The following COG3 variants were observed in gnomAD, a reference collection of about 807,000 sequenced individuals.
COG3 encodes the protein conserved oligomeric Golgi complex subunit 3.
COG3 carries 32 observed loss-of-function variants against 114.1 expected under a neutral mutation model. That is an observed-to-expected ratio of 0.28 (90% CI 0.21 to 0.38). The LOEUF is 0.38. Among genes scored for constraint, COG3 ranks in the 10% least tolerant of loss-of-function variants. COG3 has a pLI of 1.00. For synonymous variants in COG3, 352 were observed against 365.7 expected (o/e 0.96, Z 0.43); for missense variants, 813 against 973.2 (o/e 0.84, Z 2.19).
chr13:45,533,615 T>C lies in COG3; in HGVS notation c.2458-1087T>C, dbSNP rs181730455. The stretch of plus-strand genomic sequence containing the variant: ...TTGATACTAGTGTCTAATTCACAGT[T>C]CATACACACATTTCATCAGAGTCCC... On this transcript the variant is annotated intron_variant, in intron 22 of 22. Coordinates refer to ENST00000349995, the MANE Select transcript of COG3 (RefSeq NM_031431.4). 4.0e-3 allele frequency among the ~76,000 whole-genome samples: 616 copies of C among 152,306 alleles called. 5 individuals carry two copies. Among genetic ancestry groups the C allele is most frequent in the South Asian group, 0.035 (168 of 4,830 alleles).
At chr13:45,465,883 C>T (rs1885108040) in intron 1 of COG3, 1 of 152,168 alleles carries the variant, frequency 6.6e-6, no homozygotes, top group Admixed American at 6.5e-5. Flanking sequence ...ATCCACTTAC[C>T]ATTAGGATAT....
Position 45,529,790 on chromosome 13 carries a change from G to T in COG3, c.2231-1G>T. ...CACTAATGAGGTTACTTTATTTCCA[G>T]CAAAGGTCAATGACCTTGCGGCAAC... On this transcript the variant is annotated splice_acceptor_variant, in intron 20 of 22. Transcript: ENST00000349995. LOFTEE classifies it high-confidence loss of function. 6.2e-7 allele frequency: 1 copy of T among 1,602,754 alleles called. No homozygotes were observed. Among genetic ancestry groups the T allele is most frequent in the Admixed American group, 1.7e-5 (1 of 58,256 alleles).
intron 11 of COG3, 86 bp downstream of exon 11, chr13:45,492,336 A>G (rs1887067897): frequency 4.7e-6 from 3 of 641,946 alleles, no homozygotes; most frequent in Non-Finnish European, 5.3e-6. Flanking sequence ...GGAGTATTCT[A>G]TCATTAACTG....
intron 16 of COG3, among the ~76,000 whole-genome samples, chr13:45,513,422 T>TATACATAATATATACATATAAATC (rs1566266080): frequency 2.3e-4 from 12 of 52,082 alleles, no homozygotes; most frequent in Non-Finnish European, 4.2e-4. Context: ...ACATATAAAT[T>TATACATAATATATACATATAAATC]ATATATATAA....
intron 8 of COG3, among the ~76,000 whole-genome samples, chr13:45,488,949 A>G (rs372409998): frequency 2.6e-5 from 4 of 152,018 alleles, no homozygotes; most frequent in South Asian, 4.2e-4. Flanking sequence ...GTACATTGGG[A>G]GGTCAAGGAG....
rs1480599830 is a variant in COG3 at position 45,483,274 on chromosome 13, G to C, written c.762G>C (p.Gln254His). Residue 254 changes from glutamine to histidine, a missense_variant, in exon 7 of 23, where the codon CAG becomes CAC. Physicochemically the swap from Gln to His is conservative, Grantham distance 24. Transcript: ENST00000349995. ...DYPIYLLKFK[Q>H]CLSKALHLMK... ...CCATATATTTGCTGAAGTTTAAACA[G>C]TGTCTTTCTAAAGCTTTGCACCTCA... 7 of 1,577,576 alleles carry C rather than the reference G, an allele frequency of 4.4e-6. No individual in the cohort carries two copies. Among genetic ancestry groups the C allele is most frequent in the Non-Finnish European group, 6.1e-6 (7 of 1,147,332 alleles).
At chr13:45,534,399 C>G in intron 22 of COG3, 1 of 252,352 alleles carries the variant, frequency 4.0e-6, no homozygotes, top group East Asian at 8.0e-5. Context: ...CAGAAATAGA[C>G]CAACATTGTG....
intron 19 of COG3, 26 bp downstream of exon 19, chr13:45,519,120 A>G (rs1871836529): frequency 6.2e-7 from 1 of 1,609,564 alleles, no homozygotes; most frequent in Non-Finnish European, 8.5e-7. Flanking sequence ...CCTATGTGGT[A>G]AAGTCATTTT....
At chr13:45,475,717 C>T (rs1215099000) in intron 1 of COG3, among the ~76,000 whole-genome samples, 1 of 152,096 alleles carries the variant, frequency 6.6e-6, no homozygotes, top group Admixed American at 6.5e-5. Flanking sequence ...GTAATCTCAG[C>T]ACTTTGGAAG....
At chr13:45,477,187 T>A (rs183866452) in intron 2 of COG3, among the ~76,000 whole-genome samples, 12 of 152,292 alleles carry the variant, frequency 7.9e-5, no homozygotes, top group African/African-American at 2.6e-4. Flanking sequence ...ACACAGTAAA[T>A]GCTCAGCAAA....
chr13:45,465,122 C>G lies in COG3; in HGVS notation c.86C>G (p.Pro29Arg). The stretch of plus-strand genomic sequence containing the variant: ...AAGCTGGCTCTCTGGGATCGGAGAC[C>G]GGACACGACGGCGCCGCTGACCGAC... ...REKLALWDRRPDTTAPLTDRQ... is the reference protein window; with the variant it reads ...REKLALWDRRRDTTAPLTDRQ... The change falls in exon 1 of 23, where the codon CCG becomes CGG. Residue 29 changes from proline to arginine, a missense_variant. By Grantham distance (103) the Pro-to-Arg change is moderately radical. This residue lies in a region of COG3 where 424 missense variants were observed against 430.6 expected (regional missense o/e 0.98). Coordinates refer to ENST00000349995, the MANE Select transcript of COG3 (RefSeq NM_031431.4). 6.2e-7 allele frequency: 1 copy of G among 1,613,246 alleles called. No individual in the cohort carries two copies. Among genetic ancestry groups the G allele is most frequent in the Non-Finnish European group, 8.5e-7 (1 of 1,179,856 alleles).
chr13:45,493,958 A>G (rs1868410173), intron 12 of COG3: 1 of 152,814 alleles, frequency 6.5e-6, no homozygotes, highest in South Asian at 2.1e-4. Context: ...TGTCCATCTG[A>G]TACATTCTTC....
chr13:45,486,480 C>G lies in COG3; in HGVS notation c.844-15C>G, dbSNP rs759929152. 22 of 1,509,192 alleles carry G rather than the reference C, an allele frequency of 1.5e-5. No individual in the cohort carries two copies. Among genetic ancestry groups the G allele is most frequent in the Admixed American group, 3.3e-5 (2 of 59,742 alleles). 93.5% of individuals were successfully genotyped at this position (1,509,192 alleles called of 1,614,324 possible). On this transcript the variant is annotated splice_polypyrimidine_tract_variant and intron_variant, in intron 7 of 22. Coordinates refer to ENST00000349995, the MANE Select transcript of COG3 (RefSeq NM_031431.4). ...TAATTATCTTCCTTCCTTATCCTCC[C>G]CCATGTTTCTTTAGGATCCTTCATC... is the stretch of plus-strand genomic sequence containing the variant.
At chr13:45,474,864 T>A (rs2985999) in intron 1 of COG3, among the ~76,000 whole-genome samples, 1 of 151,966 alleles carries the variant, frequency 6.6e-6, no homozygotes, top group African/African-American at 2.4e-5. Flanking sequence ...AACTGAGAGC[T>A]GAAAACTGGA....
At chr13:45,491,352 A>G in intron 9 of COG3, 60 bp from the exon 10 acceptor site, 2 of 1,554,832 alleles carry the variant, frequency 1.3e-6, no homozygotes, top group Non-Finnish European at 1.7e-6. Context: ...CTGGGATTTA[A>G]GATGAAATTT....
At chr13:45,478,929 T>C in intron 2 of COG3, 76 bp from the exon 3 acceptor site, 1 of 999,056 alleles carries the variant, frequency 1.0e-6, no homozygotes, top group South Asian at 1.3e-5. Flanking sequence ...TCCTTTTGAC[T>C]TGCTGCTTAG....
intron 13 of COG3, among the ~76,000 whole-genome samples, chr13:45,497,633 A>G (rs534576259): frequency 6.6e-6 from 1 of 152,200 alleles, no homozygotes; most frequent in African/African-American, 2.4e-5. Flanking sequence ...TAAAAATACA[A>G]AAATTCACCA....
intron 20 of COG3, among the ~76,000 whole-genome samples, chr13:45,526,205 C>G (rs908775403): frequency 6.8e-6 from 1 of 147,170 alleles, no homozygotes; most frequent in Non-Finnish European, 1.5e-5. Context: ...CCTGCCTCAG[C>G]CTCCCAAGTA....
intron 15 of COG3, among the ~76,000 whole-genome samples, 180 bp from the exon 16 acceptor site, chr13:45,511,585 C>A (rs1176766680): frequency 1.3e-5 from 2 of 151,818 alleles, no homozygotes; most frequent in African/African-American, 4.8e-5. Flanking sequence ...TATTACATAT[C>A]TATGTGTTGG....
Sources: allele counts gnomAD v4.1 joint callset (sites outside exome capture counted in the v4.1 genomes callset), GRCh38; gene constraint gnomAD v4.1.1; regional missense constraint gnomAD v4.1.1; transcripts MANE v1.5; gene names NCBI Gene and HGNC (gene_info 2026-07-23, HGNC 2026-07-21).